The following GRM8 variants were observed in gnomAD, a reference collection of about 807,000 sequenced individuals.
The protein encoded by GRM8 is glutamate metabotropic receptor 8.
A neutral mutation model predicts 87.2 loss-of-function variants in GRM8; 47 were observed. The observed-to-expected ratio is 0.54, with a 90% CI of 0.43 to 0.69. The LOEUF is 0.69. Ranked by LOEUF, GRM8 falls within the 30% of genes least tolerant of loss-of-function variation. The probability of loss-of-function intolerance (pLI) is 0.00; values close to 1 mark genes in which losing one functional copy is unlikely to be tolerated. For missense variants in GRM8, 1,019 were observed against 1,139.2 expected, an observed-to-expected ratio of 0.89 and a Z score of 1.52; for synonymous variants, 396 against 404.5, an observed-to-expected ratio of 0.98 and a Z score of 0.25.
At chr7:126,618,904 G>A (rs1799811259) in intron 7 of GRM8, among the ~76,000 whole-genome samples, 1 of 152,190 alleles carries the variant, frequency 6.6e-6, no homozygotes, top group African/African-American at 2.4e-5. Context: ...GGAGAAACAG[G>A]AACACTTTTA....
At chr7:126,444,599 T>C (rs1337564043) in intron 10 of GRM8, among the ~76,000 whole-genome samples, 1 of 152,074 alleles carries the variant, frequency 6.6e-6, no homozygotes, top group African/African-American at 2.4e-5. Flanking sequence ...ATATGTCTAA[T>C]TAAGCAATGC....
intron 2 of GRM8, among the ~76,000 whole-genome samples, chr7:127,203,131 C>A (rs534147067): frequency 6.6e-6 from 1 of 152,146 alleles, no homozygotes; most frequent in Non-Finnish European, 1.5e-5. Flanking sequence ...ATAAATGAAA[C>A]AACCATTTAT....
At chr7:126,784,555 G>A (rs1249714592) in intron 6 of GRM8, among the ~76,000 whole-genome samples, 1 of 152,146 alleles carries the variant, frequency 6.6e-6, no homozygotes, top group Non-Finnish European at 1.5e-5. Flanking sequence ...GTATGATAAA[G>A]AGAACATTTA....
rs1376643392 is a variant in GRM8, at chr7:126,727,732, CACACACA to C, written c.1357+42126_1357+42132del. Among the ~76,000 whole-genome samples the C allele has an allele frequency of 1.9e-4, 28 of 151,094 alleles. 2 individuals are homozygous for C. The East Asian group carries it at 3.5e-3, about 19-fold the overall frequency. Reference sequence around the variant, plus strand: ...ACACACACACACACACACACACACACACACACACCCCTAAAAAAACAAAACTATAGGT... The same window carrying C: ...ACACACACACACACACACACACACACCCCCTAAAAAAACAAAACTATAGGT... On this transcript the variant is annotated intron_variant, in intron 7 of 10. Coordinates refer to ENST00000339582, the MANE Select transcript of GRM8 (RefSeq NM_000845.3).
At chr7:126,830,476 G>T (rs1298918576) in intron 6 of GRM8, among the ~76,000 whole-genome samples, 2 of 151,970 alleles carry the variant, frequency 1.3e-5, no homozygotes, top group Non-Finnish European at 2.9e-5. Context: ...CTAATACCCT[G>T]TCTTCCAGTT....
At chr7:127,208,510 T>C (rs1796039126) in intron 2 of GRM8, among the ~76,000 whole-genome samples, 1 of 152,208 alleles carries the variant, frequency 6.6e-6, no homozygotes, top group Admixed American at 6.5e-5. Flanking sequence ...GATTTTTCCA[T>C]GATGAAACTG....
chr7:127,125,641 A>T (rs1827319922), intron 2 of GRM8, among the ~76,000 whole-genome samples: 1 of 151,896 alleles, frequency 6.6e-6, no homozygotes, highest in Non-Finnish European at 1.5e-5. Flanking sequence ...AAACTAAAAA[A>T]CCTTAACACA....
Position 126,788,409 on chromosome 7 carries a change from C to CAAAAAAAAAAAAAAAAAA in GRM8, c.1157-18345_1157-18344insTTTTTTTTTTTTTTTTTT, listed in dbSNP as rs67131936. On this transcript the variant is annotated intron_variant, in intron 6 of 10. Transcript: ENST00000339582. ...TGGGTATCAGAGCAAGACTCCATCT[C>CAAAAAAAAAAAAAAAAAA]AAAAAAAAAAAAAACCCTTTCAGAT... Among the ~76,000 whole-genome samples the CAAAAAAAAAAAAAAAAAA allele has an allele frequency of 6.8e-3, 73 of 10,780 alleles. 5 individuals carry two copies. The highest frequency in any genetic ancestry group is 0.018 in the African/African-American group (65 of 3,630). 7.1% of individuals were successfully genotyped at this position (10,780 alleles called of 152,430 possible). A position where few individuals can be genotyped will look rare whatever the true frequency, so the allele number is the denominator to read the frequency against.
intron 6 of GRM8, among the ~76,000 whole-genome samples, chr7:126,832,915 A>T (rs942455810): frequency 2.0e-5 from 3 of 152,338 alleles, no homozygotes; most frequent in African/African-American, 7.2e-5. Context: ...ATTTCAGAAA[A>T]TTCAATGACA....
At chr7:126,739,555 G>GT (rs201120471) in intron 7 of GRM8, among the ~76,000 whole-genome samples, 2 of 152,158 alleles carry the variant, frequency 1.3e-5, no homozygotes, top group Non-Finnish European at 2.9e-5. Context: ...TAATAGCAGT[G>GT]TTTTATATCA....
intron 6 of GRM8, among the ~76,000 whole-genome samples, chr7:126,888,773 G>C (rs1800728484): frequency 6.6e-6 from 1 of 152,052 alleles, no homozygotes; most frequent in Non-Finnish European, 1.5e-5. Flanking sequence ...CCCACAGAAG[G>C]GCTAGGGAAA....
At chr7:126,835,924 C>T (rs1795792364) in intron 6 of GRM8, among the ~76,000 whole-genome samples, 1 of 152,194 alleles carries the variant, frequency 6.6e-6, no homozygotes, top group Admixed American at 6.5e-5. Context: ...ACTTGTTCAA[C>T]ATCTAGATAT....
chr7:126,542,990 G>T (rs1355651720), intron 8 of GRM8, among the ~76,000 whole-genome samples: 1 of 152,046 alleles, frequency 6.6e-6, no homozygotes, highest in African/African-American at 2.4e-5. Flanking sequence ...TGAAAAGATG[G>T]GATCTAGTTT....
chr7:126,906,674 C>G (rs926627743), intron 3 of GRM8, among the ~76,000 whole-genome samples: 8 of 152,132 alleles, frequency 5.3e-5, no homozygotes, highest in African/African-American at 1.9e-4. Context: ...GTGCTGTGAT[C>G]GGACCTAATA....
intron 2 of GRM8, among the ~76,000 whole-genome samples, chr7:127,193,132 G>C (rs111655677): frequency 4.9e-4 from 75 of 152,310 alleles, no homozygotes; most frequent in African/African-American, 1.8e-3. Flanking sequence ...TGAATGTCCA[G>C]TTATGCTCCT....
In GRM8 at chr7:127,115,520, G is replaced by A. The variant is rs950935923; in HGVS notation, c.511-8808C>T. Among the ~76,000 whole-genome samples the A allele has an allele frequency of 5.3e-5, 8 of 152,264 alleles. No homozygotes were observed. In the South Asian group the frequency reaches 1.0e-3, roughly 20 times the overall value. ...CTAATATCATGTTTTAGAAAGAAATGTAATGATTTTAATCAAATTGGTAAT... is the reference window on the plus strand; with the variant it reads ...CTAATATCATGTTTTAGAAAGAAATATAATGATTTTAATCAAATTGGTAAT... On this transcript the variant is annotated intron_variant, in intron 2 of 10. Transcript: ENST00000339582.
intron 2 of GRM8, among the ~76,000 whole-genome samples, chr7:127,203,960 G>A (rs528022054): frequency 1.3e-5 from 2 of 152,244 alleles, no homozygotes; most frequent in Admixed American, 1.3e-4. Context: ...ATAAACGTAT[G>A]TCATGCAAAT....
chr7:126,861,559 C>T (rs545549324), intron 6 of GRM8, among the ~76,000 whole-genome samples: 21 of 151,932 alleles, frequency 1.4e-4, no homozygotes, highest in East Asian at 5.8e-4. Flanking sequence ...ATATTTGGTA[C>T]GGCCAGATAT....
At chr7:126,942,866 G>A (rs979692770) in intron 3 of GRM8, among the ~76,000 whole-genome samples, 1 of 152,076 alleles carries the variant, frequency 6.6e-6, no homozygotes, top group African/African-American at 2.4e-5. Context: ...ACTCTCACTG[G>A]GCAGGTGAAG....
Sources: gnomAD v4.1 joint callset for allele counts (sites outside exome capture counted in the v4.1 genomes callset) on GRCh38, gnomAD v4.1.1 for gene constraint, MANE v1.5 for transcripts, NCBI Gene and HGNC (gene_info 2026-07-23, HGNC 2026-07-21) for gene names.